The following CADPS variants were observed in gnomAD, a reference collection of about 807,000 sequenced individuals.
The protein encoded by CADPS is calcium-dependent secretion activator 1.
CADPS carries 57 observed loss-of-function variants against 167.3 expected under a neutral mutation model. The ratio of observed to expected loss-of-function variants is 0.34; its 90% confidence interval spans 0.28 to 0.42. The LOEUF is 0.42. CADPS is among the 20% of genes least tolerant of loss of function. The pLI, the probability that CADPS is intolerant of heterozygous loss-of-function variation, is 1.00. For missense variants in CADPS, 1,414 were observed against 1,738.1 expected (o/e 0.81, Z 3.32); for synonymous variants, 676 against 635.3 (o/e 1.06, Z -0.96).
At chr3:62,550,297 A>G (rs1377559656) in intron 10 of CADPS, among the ~76,000 whole-genome samples, 182 bp from the exon 11 acceptor site, 3 of 152,162 alleles carry the variant, frequency 2.0e-5, no homozygotes, top group Admixed American at 6.5e-5. Context: ...ATGTTGAAGA[A>G]GTATTTCTGA....
chr3:62,832,387 CCA>C (rs1577039051), intron 1 of CADPS, among the ~76,000 whole-genome samples: 1 of 152,168 alleles, frequency 6.6e-6, no homozygotes, highest in Non-Finnish European at 1.5e-5. Context: ...TGCCCCAAGG[CCA>C]CACAGAATAA....
At chr3:62,822,856 A>T (rs747159594) in intron 1 of CADPS, among the ~76,000 whole-genome samples, 10 of 152,050 alleles carry the variant, frequency 6.6e-5, no homozygotes, top group Non-Finnish European at 1.3e-4. Flanking sequence ...AAATAAAAAT[A>T]AAAATTAAAA....
intron 21 of CADPS, among the ~76,000 whole-genome samples, chr3:62,487,258 C>T (rs939602305): frequency 6.6e-6 from 1 of 152,220 alleles, no homozygotes; most frequent in African/African-American, 2.4e-5. Flanking sequence ...CTTGGTAAGA[C>T]TTTGAATGAG....
chr3:62,538,995 CG>C (rs2075247301), intron 11 of CADPS, among the ~76,000 whole-genome samples: 1 of 152,136 alleles, frequency 6.6e-6, no homozygotes, highest in Admixed American at 6.5e-5. Flanking sequence ...TTTTTACTAA[CG>C]TTTTAAAGCA....
chr3:62,542,328 GA>G, intron 11 of CADPS, among the ~76,000 whole-genome samples: 1 of 152,260 alleles, frequency 6.6e-6, no homozygotes, highest in Admixed American at 6.5e-5. Flanking sequence ...CTCTTATACG[GA>G]AAATGTGTGC....
intron 9 of CADPS, among the ~76,000 whole-genome samples, chr3:62,568,341 G>A (rs536873619): frequency 1.3e-5 from 2 of 152,330 alleles, no homozygotes; most frequent in South Asian, 2.1e-4. Context: ...AGACCCACAC[G>A]CAGTGTGAAT....
intron 6 of CADPS, among the ~76,000 whole-genome samples, chr3:62,619,292 G>C (rs1341967599): frequency 1.3e-5 from 2 of 152,116 alleles, no homozygotes. Context: ...TAAATGGTGA[G>C]GGTAAATAAA....
chr3:62,618,865 T>C (rs2062738923), intron 6 of CADPS, among the ~76,000 whole-genome samples: 1 of 152,212 alleles, frequency 6.6e-6, no homozygotes, highest in African/African-American at 2.4e-5. Flanking sequence ...CTAGGCATTA[T>C]GCTAGACATT....
intron 1 of CADPS, among the ~76,000 whole-genome samples, chr3:62,801,655 C>T (rs561019742): frequency 1.8e-4 from 27 of 152,218 alleles, no homozygotes; most frequent in Admixed American, 3.3e-4. Flanking sequence ...ATAGTAGCTA[C>T]CACTTATTTA....
chr3:62,808,236 T>G (rs1183867119), intron 1 of CADPS, among the ~76,000 whole-genome samples: 5 of 56,020 alleles, frequency 8.9e-5, no homozygotes, highest in African/African-American at 3.7e-4. Flanking sequence ...TATATCTAAA[T>G]GGAATAAAAA....
intron 9 of CADPS, among the ~76,000 whole-genome samples, chr3:62,562,182 T>G (rs775630444): frequency 2.0e-5 from 3 of 152,174 alleles, no homozygotes; most frequent in African/African-American, 4.8e-5. Flanking sequence ...TGAGCCAAAA[T>G]CTGAGCATGG....
At chr3:62,422,395 T>G (rs1447505676) in intron 28 of CADPS, among the ~76,000 whole-genome samples, 4 of 152,206 alleles carry the variant, frequency 2.6e-5, no homozygotes, top group African/African-American at 4.8e-5. Flanking sequence ...CTTTCAAGAG[T>G]TGGCTAACAG....
intron 1 of CADPS, among the ~76,000 whole-genome samples, chr3:62,842,624 G>A (rs530700588): frequency 3.9e-5 from 6 of 152,122 alleles, no homozygotes; most frequent in African/African-American, 9.7e-5. Context: ...ATCTCATTTA[G>A]CTGAATCCCT....
At chr3:62,650,662 A>G (rs1377157602) in intron 5 of CADPS, among the ~76,000 whole-genome samples, 185 bp downstream of exon 5, 1 of 152,210 alleles carries the variant, frequency 6.6e-6, no homozygotes, top group Non-Finnish European at 1.5e-5. Context: ...GCATTTCCTT[A>G]AGAAAAATGT....
chr3:62,524,680 G>A (rs377498577), intron 13 of CADPS, among the ~76,000 whole-genome samples: 24 of 152,248 alleles, frequency 1.6e-4, no homozygotes, highest in Non-Finnish European at 2.5e-4. Flanking sequence ...GATGAAAGTC[G>A]TGGAGAAGTC....
intron 27 of CADPS, among the ~76,000 whole-genome samples, chr3:62,443,956 C>G (rs981182571): frequency 6.6e-6 from 1 of 152,120 alleles, no homozygotes; most frequent in Non-Finnish European, 1.5e-5. Flanking sequence ...AAATCTGAAC[C>G]TAGCTTGCAG....
At chr3:62,872,441 C>T (rs1365084277) in intron 1 of CADPS, among the ~76,000 whole-genome samples, 1 of 152,068 alleles carries the variant, frequency 6.6e-6, no homozygotes, top group Non-Finnish European at 1.5e-5. Context: ...AATTTAGCTT[C>T]CCAGTATAGC....
intron 6 of CADPS, among the ~76,000 whole-genome samples, chr3:62,612,324 C>T (rs1469159403): frequency 6.6e-6 from 1 of 152,208 alleles, no homozygotes; most frequent in Non-Finnish European, 1.5e-5. Context: ...GCATTGGACG[C>T]ATACAAAGCA....
chr3:62,654,871 G>A (rs974119561), intron 4 of CADPS, among the ~76,000 whole-genome samples: 1 of 152,098 alleles, frequency 6.6e-6, no homozygotes, highest in Non-Finnish European at 1.5e-5. Context: ...TTGTGAAGTG[G>A]GTTCTTGCTA....
Sources: allele counts gnomAD v4.1 joint callset (sites outside exome capture counted in the v4.1 genomes callset), GRCh38; gene constraint gnomAD v4.1.1; transcripts MANE v1.5; gene names NCBI Gene and HGNC (gene_info 2026-07-23, HGNC 2026-07-21).